WWOX: variants seen among roughly 807,000 people sequenced by gnomAD.
WWOX encodes the protein WW domain containing oxidoreductase, also known as WW domain-containing oxidoreductase.
Under a neutral mutation model 46.2 loss-of-function variants are expected in WWOX, and 69 were observed. The ratio of observed to expected loss-of-function variants is 1.49; its 90% CI spans 1.23 to 1.82. The LOEUF is 1.82. Among genes scored for constraint, WWOX ranks in the 40% most tolerant of loss-of-function variants. The probability of loss-of-function intolerance (pLI) is 0.00; values close to 1 mark genes in which losing one functional copy is unlikely to be tolerated. For missense variants in WWOX, 919 were observed against 542.6 expected (o/e 1.69, Z -6.89); for synonymous variants, 359 against 202.6 (o/e 1.77, Z -6.56).
chr16:78,780,184 C>T (rs2050288985), intron 8 of WWOX, among the ~76,000 whole-genome samples: 1 of 152,156 alleles, frequency 6.6e-6, no homozygotes, highest in Non-Finnish European at 1.5e-5. Context: ...CAGCCCTCAC[C>T]TGGTTTTCTC....
chr16:78,793,729 A>C (rs938795193), intron 8 of WWOX, among the ~76,000 whole-genome samples: 1 of 152,110 alleles, frequency 6.6e-6, no homozygotes, highest in African/African-American at 2.4e-5. Flanking sequence ...TCATCCTTGC[A>C]GTGGGATAAA....
intron 6 of WWOX, among the ~76,000 whole-genome samples, chr16:78,420,454 T>G (rs1045720561): frequency 4.6e-5 from 7 of 152,148 alleles, no homozygotes; most frequent in Non-Finnish European, 7.4e-5. Flanking sequence ...AATGGATTAC[T>G]GATATATGCT....
chr16:78,219,063 T>C (rs769437196), intron 5 of WWOX, among the ~76,000 whole-genome samples: 34 of 152,298 alleles, frequency 2.2e-4, no homozygotes, highest in Admixed American at 5.2e-4. Flanking sequence ...CTTGGTGAGA[T>C]AAAGGAAGTT....
chr16:79,091,732 A>C (rs2048963692), intron 8 of WWOX, among the ~76,000 whole-genome samples: 1 of 149,144 alleles, frequency 6.7e-6, no homozygotes, highest in Non-Finnish European at 1.5e-5. Context: ...TTTTCTCAAG[A>C]GGGTTTCTGC....
At chr16:78,790,991 C>G (rs1361784020) in intron 8 of WWOX, among the ~76,000 whole-genome samples, 1 of 131,610 alleles carries the variant, frequency 7.6e-6, no homozygotes, top group African/African-American at 3.0e-5. Flanking sequence ...TGCACTCCAC[C>G]CTGGGTGACA....
intron 4 of WWOX, among the ~76,000 whole-genome samples, chr16:78,139,951 C>T (rs528370794): frequency 6.6e-6 from 1 of 152,150 alleles, no homozygotes; most frequent in African/African-American, 2.4e-5. Context: ...CGGCTTCTGA[C>T]CCCGTTGGAC....
At chr16:78,748,660 G>C (rs1427924546) in intron 8 of WWOX, among the ~76,000 whole-genome samples, 1 of 152,208 alleles carries the variant, frequency 6.6e-6, no homozygotes, top group Non-Finnish European at 1.5e-5. Flanking sequence ...ATCAACAAGG[G>C]AGATTAGGTA....
rs761611721 is a variant in WWOX, at chr16:78,346,141, A to G, written c.517-40719A>G. The stretch of plus-strand genomic sequence containing the variant: ...TGAAGTTTTCTAGTACTTGTTCTGC[A>G]TCTGGTTTCTTTCATTCCACATAAT... On this transcript the variant is annotated intron_variant, in intron 5 of 8. Transcript: ENST00000566780. Among the ~76,000 whole-genome samples, 9 of 121,178 alleles carry G rather than the reference A, an allele frequency of 7.4e-5. 3 individuals are homozygous for G. The highest frequency in any genetic ancestry group is 1.8e-4 in the Non-Finnish European group (9 of 50,732). 79.5% of individuals were successfully genotyped at this position (121,178 alleles called of 152,430 possible).
chr16:78,226,020 AAAAAC>A (rs1289114599), intron 5 of WWOX, among the ~76,000 whole-genome samples: 3 of 152,202 alleles, frequency 2.0e-5, no homozygotes, highest in Non-Finnish European at 2.9e-5. Flanking sequence ...TGCATCTTAA[AAAAAC>A]AAAACAAAAC....
At chr16:78,844,807 G>T (rs1383789832) in intron 8 of WWOX, among the ~76,000 whole-genome samples, 2 of 152,126 alleles carry the variant, frequency 1.3e-5, no homozygotes, top group East Asian at 1.9e-4. Flanking sequence ...GAGTTGGCTG[G>T]GGCACAGTCT....
intron 8 of WWOX, among the ~76,000 whole-genome samples, chr16:78,686,086 T>C (rs2047850130): frequency 3.9e-5 from 6 of 152,062 alleles, no homozygotes. Context: ...GATCTATAGA[T>C]TGGGGAAAGA....
At chr16:78,672,415 A>G (rs1252688255) in intron 8 of WWOX, among the ~76,000 whole-genome samples, 1 of 152,150 alleles carries the variant, frequency 6.6e-6, no homozygotes. Context: ...TAGTGTATGG[A>G]TTGGTGATTT....
chr16:78,126,608 G>A (rs781088465), intron 4 of WWOX, among the ~76,000 whole-genome samples: 4 of 152,068 alleles, frequency 2.6e-5, no homozygotes, highest in Non-Finnish European at 4.4e-5. Flanking sequence ...TTTATAAAGT[G>A]TCTATTACTT....
intron 5 of WWOX, among the ~76,000 whole-genome samples, chr16:78,325,276 G>C (rs1032539377): frequency 6.6e-6 from 1 of 152,186 alleles, no homozygotes; most frequent in African/African-American, 2.4e-5. Context: ...CACAGGTGTT[G>C]TTAAAACAGC....
At chr16:78,422,889 A>G (rs200884603) in intron 6 of WWOX, among the ~76,000 whole-genome samples, 1 of 121,892 alleles carries the variant, frequency 8.2e-6, no homozygotes, top group Non-Finnish European at 1.6e-5. Context: ...ACACACATAT[A>G]TTTTTTTTTT....
intron 8 of WWOX, among the ~76,000 whole-genome samples, chr16:78,728,420 A>G (rs192646330): frequency 6.6e-6 from 1 of 152,262 alleles, no homozygotes; most frequent in East Asian, 1.9e-4. Flanking sequence ...AACAAAGAGA[A>G]AAGTGGCGTT....
At chr16:78,601,291 A>C (rs1308628202) in intron 8 of WWOX, among the ~76,000 whole-genome samples, 1 of 152,192 alleles carries the variant, frequency 6.6e-6, no homozygotes, top group Admixed American at 6.5e-5. Flanking sequence ...GTGAAAAGCA[A>C]GTTGCAAACT....
chr16:78,860,719 T>C (rs946035601), intron 8 of WWOX, among the ~76,000 whole-genome samples: 1 of 152,228 alleles, frequency 6.6e-6, no homozygotes. Context: ...GCTTTAGTGC[T>C]CTGCTGCACT....
intron 8 of WWOX, among the ~76,000 whole-genome samples, chr16:79,063,142 TGAA>T (rs2048384186): frequency 6.6e-6 from 1 of 152,310 alleles, no homozygotes; most frequent in South Asian, 2.1e-4. Flanking sequence ...CCACTTCTGC[TGAA>T]GAAGGATTCA....
Sources: gnomAD v4.1 joint callset for allele counts (sites outside exome capture counted in the v4.1 genomes callset) on GRCh38, gnomAD v4.1.1 for gene constraint, MANE v1.5 for transcripts, NCBI Gene and HGNC (gene_info 2026-07-23, HGNC 2026-07-21) for gene names.